ANKS1A: variants seen among roughly 807,000 people sequenced by gnomAD.
ANKS1A encodes the protein ankyrin repeat and sterile alpha motif domain containing 1A.
ANKS1A carries 55 observed loss-of-function variants against 120.3 expected under a neutral mutation model. The ratio of observed to expected loss-of-function variants is 0.46; its 90% CI spans 0.37 to 0.57. The LOEUF is 0.57. ANKS1A is among the 20% of genes least tolerant of loss of function. The pLI, the probability that ANKS1A is intolerant of heterozygous loss-of-function variation, is 0.00. For synonymous variants in ANKS1A, 590 were observed against 604.7 expected (o/e 0.98, Z 0.36); for missense variants, 1,123 against 1,480.3 (o/e 0.76, Z 3.96).
intron 1 of ANKS1A, among the ~76,000 whole-genome samples, chr6:34,894,935 A>G (rs1001072173): frequency 5.9e-5 from 9 of 152,140 alleles, no homozygotes; most frequent in Non-Finnish European, 1.2e-4. Context: ...AAATTTATAG[A>G]TAGTAGCAAT....
At chr6:34,973,021 T>C (rs558973543) in intron 3 of ANKS1A, among the ~76,000 whole-genome samples, 1 of 152,328 alleles carries the variant, frequency 6.6e-6, no homozygotes, top group Non-Finnish European at 1.5e-5. Flanking sequence ...AAAAAATGAT[T>C]AAGTTGTACC....
In ANKS1A at chr6:35,086,875, G is replaced by A; in HGVS notation, c.3304-77G>A. On this transcript the variant is annotated intron_variant, in intron 22 of 23. Coordinates refer to ENST00000360359, the MANE Select transcript of ANKS1A (RefSeq NM_015245.3). The surrounding 1 kb of genome is among the most constrained non-coding windows in gnomAD (Gnocchi z 5.1). ...CAGCACAGGGGCCACAGCCTGGCCT[G>A]GGGGTGGGAGGGGCCTGCTGCCTCC... 1.4e-6 allele frequency: 2 copies of A among 1,399,268 alleles called. No homozygotes were observed. Among genetic ancestry groups the A allele is most frequent in the African/African-American group, 1.4e-5 (1 of 70,752 alleles). 86.7% of individuals were successfully genotyped at this position (1,399,268 alleles called of 1,614,324 possible).
chr6:34,991,693 CATAT>C (rs1306257301), intron 9 of ANKS1A, among the ~76,000 whole-genome samples: 1 of 29,262 alleles, frequency 3.4e-5, no homozygotes, highest in African/African-American at 4.7e-5. Context: ...CATATATACA[CATAT>C]ATATACATAT....
chr6:35,046,018 A>G (rs1189726600), intron 11 of ANKS1A, among the ~76,000 whole-genome samples: 1 of 152,146 alleles, frequency 6.6e-6, no homozygotes, highest in Non-Finnish European at 1.5e-5. Context: ...GGTGTATTTG[A>G]TTTTCTAATT....
intron 10 of ANKS1A, among the ~76,000 whole-genome samples, chr6:34,996,942 C>T (rs1402705786): frequency 1.3e-5 from 2 of 152,136 alleles, no homozygotes; most frequent in Admixed American, 6.5e-5. Flanking sequence ...AAAAGACCTT[C>T]CTTTCGCTAT....
At chr6:34,960,110 C>G (rs540295716) in intron 1 of ANKS1A, among the ~76,000 whole-genome samples, 2 of 152,152 alleles carry the variant, frequency 1.3e-5, no homozygotes, top group African/African-American at 4.8e-5. Flanking sequence ...GTCAGGCACG[C>G]TCCTTCCCAG....
intron 11 of ANKS1A, among the ~76,000 whole-genome samples, chr6:35,045,687 G>A (rs1401265389): frequency 1.3e-5 from 2 of 152,180 alleles, no homozygotes; most frequent in South Asian, 2.1e-4. Flanking sequence ...TGTGATCCAC[G>A]GACGTTATTT....
At chr6:34,920,929 AATG>A (rs1768403172) in intron 1 of ANKS1A, among the ~76,000 whole-genome samples, 1 of 152,084 alleles carries the variant, frequency 6.6e-6, no homozygotes, top group South Asian at 2.1e-4. Context: ...AAACTTCAAA[AATG>A]ATCATTAAAG....
intron 17 of ANKS1A, 41 bp downstream of exon 17, chr6:35,081,199 A>C: frequency 1.9e-6 from 3 of 1,565,364 alleles, no homozygotes; most frequent in Non-Finnish European, 2.6e-6. Context: ...GCTCTACCTC[A>C]TTCCTCTGGG....
Position 35,017,917 on chromosome 6 carries a change from T to C in ANKS1A, c.1868T>C (p.Leu623Ser). 6.2e-7 allele frequency: 1 copy of C among 1,614,208 alleles called. No homozygotes were observed. Among genetic ancestry groups the C allele is most frequent in the East Asian group, 2.2e-5 (1 of 44,884 alleles). Reference protein sequence around the residue: ...PKAELKLSRSLSKSDSDLLTC... With the variant: ...PKAELKLSRSSSKSDSDLLTC... Reference sequence around the variant, plus strand: ...GCTGAACTCAAACTCAGCCGCAGCTTGTCCAAGTCTGACTCTGATCTCCTG... The same window carrying C: ...GCTGAACTCAAACTCAGCCGCAGCTCGTCCAAGTCTGACTCTGATCTCCTG... The change falls in exon 11 of 24, where the codon TTG becomes TCG. Residue 623 changes from leucine to serine, a missense_variant. Coordinates refer to ENST00000360359, the MANE Select transcript of ANKS1A (RefSeq NM_015245.3).
intron 11 of ANKS1A, among the ~76,000 whole-genome samples, chr6:35,045,414 G>A (rs1024183115): frequency 6.6e-6 from 1 of 152,200 alleles, no homozygotes; most frequent in Non-Finnish European, 1.5e-5. Context: ...TTATAGAAGA[G>A]GAAGTTGAAA....
At position 35,086,706 on chromosome 6, in the gene ANKS1A, C is replaced by T. The variant is rs1778007237; in HGVS notation, c.3304-246C>T. On this transcript the variant is annotated intron_variant, in intron 22 of 23. Transcript: ENST00000360359. The surrounding 1 kb of genome is among the most constrained non-coding windows in gnomAD (Gnocchi z 5.1). ...CAGGAGGCCCGCCTAGGACAGGGGT[C>T]CTTTAACTGAGCAATCCCAAGAAAT... Among the ~76,000 whole-genome samples the T allele has an allele frequency of 6.6e-6, 1 of 152,122 alleles. No individual in the cohort carries two copies. Among genetic ancestry groups the T allele is most frequent in the Non-Finnish European group, 1.5e-5 (1 of 68,006 alleles).
Position 34,921,435 on chromosome 6 carries a change from A to T in ANKS1A, c.197+31836A>T, listed in dbSNP as rs573900306. Among the ~76,000 whole-genome samples, 279 of 152,328 alleles carry T rather than the reference A, an allele frequency of 1.8e-3. 2 individuals are homozygous for T. Among genetic ancestry groups the T allele is most frequent in the African/African-American group, 6.6e-3 (273 of 41,570 alleles). ...GTAGGATAAGCTGATGAGCAACTTA[A>T]TGTCTACTTTCTATGCTAAGAATCA... On this transcript the variant is annotated intron_variant, in intron 1 of 23. Coordinates refer to ENST00000360359, the MANE Select transcript of ANKS1A (RefSeq NM_015245.3).
At chr6:35,007,430 A>G (rs1010920778) in intron 10 of ANKS1A, among the ~76,000 whole-genome samples, 4 of 152,230 alleles carry the variant, frequency 2.6e-5, no homozygotes, top group African/African-American at 4.8e-5. Context: ...AAGTAGAAAA[A>G]GTCTTCTGAA....
chr6:35,065,718 G>A (rs558771407), intron 13 of ANKS1A, among the ~76,000 whole-genome samples: 1 of 152,366 alleles, frequency 6.6e-6, no homozygotes, highest in South Asian at 2.1e-4. Flanking sequence ...GGGCCCATCA[G>A]GCTGGGTGAG....
intron 13 of ANKS1A, among the ~76,000 whole-genome samples, chr6:35,066,863 C>T (rs1776803497): frequency 6.6e-6 from 1 of 152,128 alleles, no homozygotes; most frequent in African/African-American, 2.4e-5. Context: ...CAATGTGGGG[C>T]TACTTTGGGA....
At chr6:34,932,651 C>T (rs1561855688) in intron 1 of ANKS1A, among the ~76,000 whole-genome samples, 1 of 152,218 alleles carries the variant, frequency 6.6e-6, no homozygotes, top group Non-Finnish European at 1.5e-5. Context: ...TCCCAAAGTG[C>T]TGGGATTACA....
intron 9 of ANKS1A, among the ~76,000 whole-genome samples, chr6:34,991,796 A>G (rs1227742051): frequency 8.7e-6 from 1 of 114,492 alleles, no homozygotes; most frequent in Non-Finnish European, 2.0e-5. Flanking sequence ...ATATATATAC[A>G]TATATATACA....
In ANKS1A at chr6:35,082,545, C is replaced by T; in HGVS notation, c.2710-146C>T. The T allele has an allele frequency of 9.7e-7, 1 of 1,029,552 alleles. No individual in the cohort carries two copies. The highest frequency in any genetic ancestry group is 1.3e-6 in the Non-Finnish European group (1 of 743,692). 63.8% of individuals were successfully genotyped at this position (1,029,552 alleles called of 1,614,324 possible). On this transcript the variant is annotated intron_variant, in intron 17 of 23. Transcript: ENST00000360359. The surrounding 1 kb of genome is among the most constrained non-coding windows in gnomAD (Gnocchi z 4.1). Reference sequence around the variant, plus strand: ...CCTCTCCCGCAGTGTGTTTGAATTGCTGGTCTGCCCCCTGCCATCTCCACT... The same window carrying T: ...CCTCTCCCGCAGTGTGTTTGAATTGTTGGTCTGCCCCCTGCCATCTCCACT...
Sources: allele counts gnomAD v4.1 joint callset (sites outside exome capture counted in the v4.1 genomes callset), GRCh38; gene constraint gnomAD v4.1.1; non-coding constraint Gnocchi (gnomAD v3.1); transcripts MANE v1.5; gene names NCBI Gene and HGNC (gene_info 2026-07-23, HGNC 2026-07-21).